Variants in GSE1 observed in about 807,000 individuals in gnomAD.
GSE1 encodes the protein Gse1 coiled-coil protein, also known as genetic suppressor element 1.
A neutral mutation model predicts 112.6 loss-of-function variants in GSE1; 32 were observed. The ratio of observed to expected loss-of-function variants is 0.28; its 90% CI spans 0.21 to 0.38. GSE1 has a LOEUF of 0.38. Ranked by LOEUF, GSE1 falls within the 10% of genes least tolerant of loss-of-function variation. The probability of loss-of-function intolerance (pLI) is 1.00; values close to 1 mark genes in which losing one functional copy is unlikely to be tolerated. For synonymous variants in GSE1, 1,115 were observed against 735.6 expected (o/e 1.52, Z -8.35); for missense variants, 2,348 against 1,699.2 (o/e 1.38, Z -6.71).
intron 2 of GSE1, among the ~76,000 whole-genome samples, chr16:85,549,485 C>A (rs1332222672): frequency 6.6e-6 from 1 of 152,180 alleles, no homozygotes; most frequent in Middle Eastern, 3.2e-3. Context: ...GCCATGTAGA[C>A]ATCACTTTTG....
At position 85,183,019 on chromosome 16, in the gene GSE1, C is replaced by G. The variant is rs2074624873; in HGVS notation, c.2283+11212C>G. Among the ~76,000 whole-genome samples the G allele has an allele frequency of 2.0e-5, 3 of 152,218 alleles. No homozygotes were observed. In the South Asian group the frequency reaches 6.2e-4, roughly 32 times the overall value. Reference sequence around the variant, plus strand: ...ATACTCACTGTTACACATGCGGTCACATGCATTCATACATGCATCACTCCC... The same window carrying G: ...ATACTCACTGTTACACATGCGGTCAGATGCATTCATACATGCATCACTCCC... On this transcript the variant is annotated intron_variant, in intron 1 of 2. Coordinates refer to the GSE1 transcript ENST00000637419.
At chr16:85,389,193 C>G (rs975728621) in intron 2 of GSE1, among the ~76,000 whole-genome samples, 4 of 152,188 alleles carry the variant, frequency 2.6e-5, no homozygotes, top group Admixed American at 1.3e-4. Flanking sequence ...GGGGCAGTGG[C>G]TCATGCCTGT....
At chr16:85,467,092 G>T (rs1380023027) in intron 2 of GSE1, among the ~76,000 whole-genome samples, 2 of 152,248 alleles carry the variant, frequency 1.3e-5, no homozygotes, top group South Asian at 2.1e-4. Context: ...AAGTGGGGCA[G>T]GGTAGGCGGT....
intron 1 of GSE1, among the ~76,000 whole-genome samples, chr16:85,268,379 G>A (rs1048093255): frequency 2.6e-5 from 4 of 152,076 alleles, no homozygotes; most frequent in South Asian, 4.2e-4. Flanking sequence ...TGACCGCGCC[G>A]AGCCCCCCAG....
At chr16:85,619,976 C>T (rs1200696743) in intron 1 of GSE1, among the ~76,000 whole-genome samples, 2 of 152,190 alleles carry the variant, frequency 1.3e-5, no homozygotes, top group Non-Finnish European at 2.9e-5. Context: ...AGAGAGGTCA[C>T]CGGCTGCTTC....
chr16:85,382,742 C>T (rs1389044430), intron 2 of GSE1, among the ~76,000 whole-genome samples: 1 of 151,450 alleles, frequency 6.6e-6, no homozygotes, highest in African/African-American at 2.4e-5. Flanking sequence ...CATGTGCACA[C>T]TCAAGCATGT....
intron 1 of GSE1, among the ~76,000 whole-genome samples, chr16:85,210,504 G>A (rs1269113048): frequency 2.0e-5 from 3 of 152,138 alleles, no homozygotes; most frequent in African/African-American, 7.2e-5. Flanking sequence ...TAGGAGGATT[G>A]CTTGAGCCAG....
At chr16:85,326,626 C>T (rs1451799427) in intron 1 of GSE1, among the ~76,000 whole-genome samples, 7 of 152,324 alleles carry the variant, frequency 4.6e-5, no homozygotes, top group East Asian at 3.9e-4. Context: ...GTAAGTTTCC[C>T]GAGGCCTGCC....
intron 2 of GSE1, among the ~76,000 whole-genome samples, chr16:85,500,006 G>T (rs1467977392): frequency 6.6e-6 from 1 of 152,226 alleles, no homozygotes; most frequent in African/African-American, 2.4e-5. Context: ...ATAGCAAACA[G>T]ACACACAAGT....
intron 2 of GSE1, among the ~76,000 whole-genome samples, chr16:85,640,793 G>A (rs1056802471): frequency 1.3e-5 from 2 of 152,260 alleles, no homozygotes; most frequent in Admixed American, 6.5e-5. Flanking sequence ...TCGCGTGGGT[G>A]TCAGTCTGCG....
chr16:85,209,310 T>G (rs866059502), intron 1 of GSE1, among the ~76,000 whole-genome samples: 2 of 152,138 alleles, frequency 1.3e-5, no homozygotes, highest in South Asian at 2.1e-4. Context: ...CAAAGTGTCA[T>G]AGCTGGCCAG....
upstream of GSE1, among the ~76,000 whole-genome samples, chr16:85,554,697 TC>T (rs945280408): frequency 1.3e-5 from 2 of 150,736 alleles, no homozygotes; most frequent in African/African-American, 4.9e-5. Flanking sequence ...CGGCCCCGAG[TC>T]TCCGGGTCAC....
intron 1 of GSE1, chr16:85,285,859 T>G (rs1353840469): frequency 6.6e-6 from 1 of 152,270 alleles, no homozygotes; most frequent in Non-Finnish European, 1.5e-5. Flanking sequence ...CTTGTGGCTT[T>G]GATGCCATTT....
chr16:85,600,604 A>C (rs988784227), intron 1 of GSE1, among the ~76,000 whole-genome samples: 4 of 151,860 alleles, frequency 2.6e-5, no homozygotes, highest in African/African-American at 4.8e-5. Flanking sequence ...ACACACACAC[A>C]CACACACCCC....
intron 1 of GSE1, among the ~76,000 whole-genome samples, chr16:85,298,333 CCTT>C (rs1439905865): frequency 2.0e-5 from 3 of 152,228 alleles, no homozygotes; most frequent in Non-Finnish European, 2.9e-5. Context: ...ATCTCCACCT[CCTT>C]CTTAAACTGG....
intron 1 of GSE1, among the ~76,000 whole-genome samples, chr16:85,632,434 A>G (rs1043575084): frequency 6.6e-6 from 1 of 151,718 alleles, no homozygotes; most frequent in African/African-American, 2.4e-5. Context: ...CGTCCCCTCT[A>G]TCAGGAGAGG....
rs755838511 is a variant in GSE1 at position 85,674,794 on chromosome 16, G to A, written c.*2255G>A. 2 of 152,476 alleles carry A rather than the reference G, an allele frequency of 1.3e-5. No homozygotes were observed. The highest frequency in any genetic ancestry group is 2.4e-5 in the African/African-American group (1 of 41,426). The allele number at this position is 152,476 out of a possible 1,614,324, so 9.4% of individuals were successfully genotyped here. A position where few individuals can be genotyped will look rare whatever the true frequency, so the allele number is the denominator to read the frequency against. Reference sequence around the variant, plus strand: ...CCCAGGGTGGGAGCAGTGTCACTGTGCTAGCAATAGTTGGCTTCTCCCCTG... The same window carrying A: ...CCCAGGGTGGGAGCAGTGTCACTGTACTAGCAATAGTTGGCTTCTCCCCTG... On this transcript the variant is annotated 3_prime_UTR_variant, in exon 16 of 16. Coordinates refer to ENST00000253458, the MANE Select transcript of GSE1 (RefSeq NM_014615.5).
chr16:85,668,629 G>A (rs1050612014), intron 14 of GSE1, among the ~76,000 whole-genome samples: 5 of 152,182 alleles, frequency 3.3e-5, no homozygotes, highest in African/African-American at 9.7e-5. Flanking sequence ...TCTTGCTAGG[G>A]CATCCAAGTA....
intron 2 of GSE1, among the ~76,000 whole-genome samples, chr16:85,512,234 C>T (rs900854807): frequency 4.6e-5 from 7 of 152,168 alleles, no homozygotes; most frequent in African/African-American, 1.4e-4. Flanking sequence ...CAACGCCAAG[C>T]CTGGACCCAG....
Sources: allele counts gnomAD v4.1 joint callset (sites outside exome capture counted in the v4.1 genomes callset), GRCh38; gene constraint gnomAD v4.1.1; transcripts MANE v1.5; gene names NCBI Gene and HGNC (gene_info 2026-07-23, HGNC 2026-07-21).